The following CEP76 variants were observed in gnomAD, a reference collection of about 807,000 sequenced individuals.
CEP76 encodes centrosomal protein 76.
A neutral mutation model predicts 83.3 loss-of-function variants in CEP76; 55 were observed. The ratio of observed to expected loss-of-function variants is 0.66; its 90% CI spans 0.53 to 0.83. The LOEUF (loss-of-function observed/expected upper bound fraction) is 0.83, where lower values mean the gene tolerates loss of function less well. Ranked by LOEUF, CEP76 falls within the 40% of genes least tolerant of loss-of-function variation. The pLI, the probability that CEP76 is intolerant of heterozygous loss-of-function variation, is 0.00. For synonymous variants in CEP76, 270 were observed against 274.5 expected, an observed-to-expected ratio of 0.98 and a Z score of 0.16; for missense variants, 694 against 799.5, an observed-to-expected ratio of 0.87 and a Z score of 1.59.
chr18:12,688,885 C>A (rs527970941), intron 7 of CEP76, among the ~76,000 whole-genome samples: 1 of 152,138 alleles, frequency 6.6e-6, no homozygotes, highest in South Asian at 2.1e-4. Flanking sequence ...GAGGCCGAGG[C>A]GGGCGGGTCA....
chr18:12,698,110 AAATT>A (rs1204504752), intron 4 of CEP76, among the ~76,000 whole-genome samples: 3 of 151,990 alleles, frequency 2.0e-5, no homozygotes, highest in Non-Finnish European at 2.9e-5. Flanking sequence ...AAAAAAGAAA[AAATT>A]AAAATGACAG....
intron 11 of CEP76, among the ~76,000 whole-genome samples, chr18:12,673,784 G>A (rs2144978113): frequency 6.6e-6 from 1 of 152,312 alleles, no homozygotes; most frequent in Admixed American, 6.5e-5. Flanking sequence ...GGGAGGCTGA[G>A]GCAGGAGAAT....
chr18:12,678,750 G>C (rs1047483993), intron 9 of CEP76, among the ~76,000 whole-genome samples: 12 of 152,062 alleles, frequency 7.9e-5, no homozygotes, highest in Non-Finnish European at 1.6e-4. Flanking sequence ...GAGGTCAAGA[G>C]TTCGAGACTA....
intron 2 of CEP76, among the ~76,000 whole-genome samples, chr18:12,700,753 T>G (rs1377887347): frequency 6.6e-6 from 1 of 152,138 alleles, no homozygotes; most frequent in Non-Finnish European, 1.5e-5. Flanking sequence ...ATAAGATATC[T>G]AACACAAATT....
Position 12,674,678 on chromosome 18 carries a change from C to A in CEP76, c.1699G>T (p.Glu567Ter), listed in dbSNP as rs1350927061. 1 of 1,613,950 alleles carries A rather than the reference C, an allele frequency of 6.2e-7. No homozygotes were observed. Among genetic ancestry groups the A allele is most frequent in the Non-Finnish European group, 8.5e-7 (1 of 1,179,990 alleles). The change falls in exon 11 of 12, where the codon GAG (glutamate) becomes TAG (stop). Residue 567 changes from glutamate (E) to a stop codon, truncating the protein, a stop_gained. Coordinates refer to ENST00000262127, the MANE Select transcript of CEP76 (RefSeq NM_024899.4). LOFTEE classifies it high-confidence loss of function. ...LSPALASYEF[E>*]RTTSISAGNE... ...CCTGCTGATATACTTGTTGTACGCTCAAATTCATAAGAAGCCAAAGCTGGT... is the reference window on the plus strand; with the variant it reads ...CCTGCTGATATACTTGTTGTACGCTAAAATTCATAAGAAGCCAAAGCTGGT...
At chr18:12,684,485 GT>G (rs34972678) in intron 8 of CEP76, 55,769 of 141,960 alleles carry the variant, frequency 0.39, 10,827 homozygotes, top group Non-Finnish European at 0.45. Context: ...ATAGTTTTTT[GT>G]TTTTTTTTTT....
chr18:12,695,287 A>G lies in CEP76; in HGVS notation c.771T>C (p.Asn257=), dbSNP rs1347327996. Residue 257 remains asparagine, a synonymous_variant, in exon 6 of 12, where the codon AAT becomes AAC. Transcript: ENST00000262127. ...NIKLEMYPPL[N]QTLSQEVVNT... is the part of the protein sequence containing the mutation. ...TCACTACTTCTTGAGATAACGTTTG[A>G]TTGAGTGGTGGATACATTTCAAGTT... The G allele has an allele frequency of 7.0e-6, 11 of 1,567,876 alleles. No homozygotes were observed. The highest frequency in any genetic ancestry group is 1.4e-5 in the African/African-American group (1 of 73,678).
intron 7 of CEP76, among the ~76,000 whole-genome samples, chr18:12,688,828 T>C (rs1044583605): frequency 2.6e-5 from 4 of 152,036 alleles, no homozygotes; most frequent in Admixed American, 2.6e-4. Flanking sequence ...TTGCAAAAAG[T>C]TCTTGGCCAG....
At chr18:12,680,048 A>G (rs1193486794) in intron 9 of CEP76, among the ~76,000 whole-genome samples, 2 of 147,836 alleles carry the variant, frequency 1.4e-5, no homozygotes, top group African/African-American at 4.9e-5. Context: ...AGAATGAGAC[A>G]CTGCAAAAAA....
chr18:12,672,042 A>AC (rs1377359291), downstream of CEP76, among the ~76,000 whole-genome samples: 3 of 148,984 alleles, frequency 2.0e-5, no homozygotes, highest in Non-Finnish European at 4.4e-5. Context: ...CTGGTCTTGA[A>AC]CCCCTGACCT....
intron 3 of CEP76, 125 bp downstream of exon 3, chr18:12,699,705 C>T (rs1185163037): frequency 1.2e-5 from 7 of 586,846 alleles, no homozygotes; most frequent in African/African-American, 9.6e-5. Flanking sequence ...TTTAGCCAAC[C>T]ATAAAATTTT....
chr18:12,702,517 A>G lies in CEP76; in HGVS notation c.32T>C (p.Leu11Pro). 6.2e-7 allele frequency: 1 copy of G among 1,609,518 alleles called. No individual in the cohort carries two copies. Among genetic ancestry groups the G allele is most frequent in the East Asian group, 2.2e-5 (1 of 44,532 alleles). Residue 11 changes from leucine to proline, a missense_variant, in exon 1 of 12, where the codon CTG becomes CCG. Physicochemically the swap from Leu to Pro is moderately conservative, Grantham distance 98 (BLOSUM62 -3). Transcript: ENST00000262127. MSLPPEKASELKQLIHQQLSK... is the reference protein window; with the variant it reads MSLPPEKASEPKQLIHQQLSK... ...CAGCTGCTGGTGGATGAGCTGCTTC[A>G]GCTCGGAGGCTTTCTCCGGAGGCAG...
intron 8 of CEP76, among the ~76,000 whole-genome samples, chr18:12,683,066 C>G (rs1009917965): frequency 6.6e-6 from 1 of 151,732 alleles, no homozygotes; most frequent in African/African-American, 2.4e-5. Flanking sequence ...AACTTTATGG[C>G]CAGGTGTGCC....
chr18:12,686,062 G>T, intron 8 of CEP76, 200 bp downstream of exon 8: 2 of 455,610 alleles, frequency 4.4e-6, no homozygotes, highest in African/African-American at 2.0e-5. Context: ...TTTTTAATTT[G>T]TACTATTTTT....
intron 2 of CEP76, among the ~76,000 whole-genome samples, chr18:12,700,702 C>T (rs1568035171): frequency 6.6e-6 from 1 of 151,904 alleles, no homozygotes; most frequent in Non-Finnish European, 1.5e-5. Flanking sequence ...AATTTACAGA[C>T]CTAGAAAATA....
chr18:12,671,450 A>C (rs1299895686), downstream of CEP76, among the ~76,000 whole-genome samples: 1 of 152,082 alleles, frequency 6.6e-6, no homozygotes, highest in Non-Finnish European at 1.5e-5. Context: ...AAAAAATAAA[A>C]AACTTAAAAA....
chr18:12,672,178 G>C (rs1049864493), downstream of CEP76, among the ~76,000 whole-genome samples: 4 of 147,918 alleles, frequency 2.7e-5, no homozygotes, highest in Admixed American at 2.8e-4. Context: ...GCAGTGGCGC[G>C]ATCTCACCTC....
intron 12 of CEP76, among the ~76,000 whole-genome samples, chr18:12,664,819 C>A (rs980916902): frequency 1.3e-5 from 2 of 151,724 alleles, no homozygotes; most frequent in South Asian, 4.2e-4. Flanking sequence ...CTGCCTCAGC[C>A]TCCTGAGTAG....
intron 9 of CEP76, chr18:12,678,999 G>A (rs1411614123): frequency 4.6e-5 from 7 of 152,002 alleles, no homozygotes; most frequent in African/African-American, 1.7e-4. Flanking sequence ...AAAATAATTT[G>A]GTTATGCATT....
Sources: gnomAD v4.1 joint callset for allele counts (sites outside exome capture counted in the v4.1 genomes callset) on GRCh38, gnomAD v4.1.1 for gene constraint, MANE v1.5 for transcripts, NCBI Gene and HGNC (gene_info 2026-07-23, HGNC 2026-07-21) for gene names.